Variants in PCDHA7 observed in about 807,000 individuals in gnomAD.
PCDHA7 encodes the protein protocadherin alpha-7.
PCDHA7 carries 37 observed loss-of-function variants against 57.2 expected under a neutral mutation model. The ratio of observed to expected loss-of-function variants is 0.65; its 90% CI spans 0.50 to 0.85. PCDHA7 has a LOEUF of 0.85. Among genes scored for constraint, PCDHA7 ranks in the 40% least tolerant of loss-of-function variants. The probability of loss-of-function intolerance (pLI) is 0.00; values close to 1 mark genes in which losing one functional copy is unlikely to be tolerated. For missense variants in PCDHA7, 1,188 were observed against 1,241.8 expected (o/e 0.96, Z 0.65); for synonymous variants, 553 against 558.8 (o/e 0.99, Z 0.15).
intron 3 of PCDHA7, among the ~76,000 whole-genome samples, chr5:140,987,333 T>C (rs1470731690): frequency 6.6e-6 from 1 of 152,158 alleles, no homozygotes; most frequent in East Asian, 1.9e-4. Context: ...TAAGAACTGG[T>C]CTAAGGTAAA....
chr5:140,842,458 A>C (rs1777969478), intron 1 of PCDHA7: 1 of 1,613,788 alleles, frequency 6.2e-7, no homozygotes, highest in South Asian at 1.1e-5. Context: ...ACCTCGATTC[A>C]GGTGCCAACG....
intron 1 of PCDHA7, chr5:140,850,039 G>A (rs1554143677): frequency 1.3e-6 from 2 of 1,596,568 alleles, no homozygotes; most frequent in African/African-American, 2.7e-5. Flanking sequence ...GCGGAGAGCG[G>A]CAAGGTGTAC....
chr5:140,945,947 ACCCTGAAAG>A (rs1554217229), intron 1 of PCDHA7, among the ~76,000 whole-genome samples: 1 of 152,132 alleles, frequency 6.6e-6, no homozygotes, highest in Admixed American at 6.5e-5. Flanking sequence ...TTTTTATATG[ACCCTGAAAG>A]CACAGGCAAT....
intron 3 of PCDHA7, among the ~76,000 whole-genome samples, chr5:140,988,690 C>T (rs1286168942): frequency 2.6e-5 from 4 of 152,148 alleles, no homozygotes; most frequent in South Asian, 2.1e-4. Flanking sequence ...TTTCCCTAGA[C>T]GCTCTGTATT....
At chr5:140,841,961 G>A (rs1221561116) in intron 1 of PCDHA7, 1 of 1,613,790 alleles carries the variant, frequency 6.2e-7, no homozygotes, top group Non-Finnish European at 8.5e-7. Flanking sequence ...ATTCCTGACA[G>A]CCACAGATGG....
chr5:140,992,823 T>A (rs1261484178), intron 3 of PCDHA7, among the ~76,000 whole-genome samples: 1 of 152,140 alleles, frequency 6.6e-6, no homozygotes, highest in Non-Finnish European at 1.5e-5. Flanking sequence ...ATGTGTTTGT[T>A]TTTTGGGAAC....
At chr5:140,937,023 A>G (rs2091268625) in intron 1 of PCDHA7, among the ~76,000 whole-genome samples, 1 of 150,410 alleles carries the variant, frequency 6.6e-6, no homozygotes. Flanking sequence ...TTAACAAGGT[A>G]TATTCTTCCA....
chr5:140,841,171 G>T, intron 1 of PCDHA7: 2 of 993,678 alleles, frequency 2.0e-6, no homozygotes, highest in Admixed American at 2.8e-5. Context: ...AGTTCTGGTT[G>T]GTCAATGTTC....
At chr5:140,988,482 C>T (rs1017365611) in intron 3 of PCDHA7, among the ~76,000 whole-genome samples, 1 of 152,152 alleles carries the variant, frequency 6.6e-6, no homozygotes, top group Non-Finnish European at 1.5e-5. Flanking sequence ...GAATTAGCAT[C>T]CCCTACCTAG....
chr5:140,869,484 C>A, intron 1 of PCDHA7: 2 of 1,613,948 alleles, frequency 1.2e-6, no homozygotes, highest in Non-Finnish European at 1.7e-6. Flanking sequence ...AGGACATTAA[C>A]GACAACCCGC....
chr5:140,884,113 G>T (rs782579609), intron 1 of PCDHA7: 15 of 1,613,390 alleles, frequency 9.3e-6, no homozygotes, highest in Admixed American at 3.3e-5. Context: ...AGCTGGCGGC[G>T]GTCGGCGCGC....
intron 3 of PCDHA7, among the ~76,000 whole-genome samples, chr5:140,988,599 G>A (rs782117836): frequency 6.6e-6 from 1 of 152,154 alleles, no homozygotes; most frequent in Non-Finnish European, 1.5e-5. Flanking sequence ...TAATGGTCAT[G>A]TAAATAAAAG....
intron 1 of PCDHA7, among the ~76,000 whole-genome samples, chr5:140,930,742 A>G (rs2087064675): frequency 6.6e-6 from 1 of 152,216 alleles, no homozygotes; most frequent in Non-Finnish European, 1.5e-5. Context: ...AATAAAATAA[A>G]TTTACATATG....
At chr5:141,003,502 G>C (rs1384211644) in intron 3 of PCDHA7, among the ~76,000 whole-genome samples, 3 of 151,992 alleles carry the variant, frequency 2.0e-5, no homozygotes, top group African/African-American at 2.4e-5. Context: ...TAGTAGAGAT[G>C]GGGTTTCACC....
At chr5:141,009,604 A>T (rs782247768) in intron 3 of PCDHA7, 23 bp from the exon 4 acceptor site, 2 of 1,608,944 alleles carry the variant, frequency 1.2e-6, no homozygotes, top group East Asian at 4.5e-5. Context: ...CCTGTTAATG[A>T]TTTGTAATGT....
intron 1 of PCDHA7, chr5:140,869,260 G>A (rs976245495): frequency 6.2e-7 from 1 of 1,613,638 alleles, no homozygotes; most frequent in Non-Finnish European, 8.5e-7. Context: ...GCAGGACCTG[G>A]GGCTGGAGCT....
At chr5:140,863,975 T>G (rs1429361559) in intron 1 of PCDHA7, 2 of 153,508 alleles carry the variant, frequency 1.3e-5, no homozygotes, top group Non-Finnish European at 2.9e-5. Context: ...CACTACAGCC[T>G]GGGAGACAGG....
In PCDHA7 at chr5:140,919,389, T is replaced by C. The variant is rs1042186256; in HGVS notation, c.2356-59560T>C. 3.9e-5 allele frequency among the ~76,000 whole-genome samples: 6 copies of C among 152,360 alleles called. No homozygotes were observed. The East Asian group carries it at 1.2e-3, about 29-fold the overall frequency. ...CTGCAGACAACACATAGTTGGATGTTGTTTTCCTAAAAACTCTAGACTGAC... is the reference window on the plus strand; with the variant it reads ...CTGCAGACAACACATAGTTGGATGTCGTTTTCCTAAAAACTCTAGACTGAC... On this transcript the variant is annotated intron_variant, in intron 1 of 3. Coordinates refer to ENST00000525929, the MANE Select transcript of PCDHA7 (RefSeq NM_018910.3).
rs2150246191 is a variant in PCDHA7 at position 140,835,835 on chromosome 5, G to T, written c.1452G>T (p.Ala484=). The T allele has an allele frequency of 1.9e-6, 3 of 1,612,346 alleles. No homozygotes were observed. The highest frequency in any genetic ancestry group is 1.3e-5 in the African/African-American group (1 of 75,010). ...CTGTGTCGGCGGGGGACGCGGACGC[G>T]CAGAAGAACGCGCTGGTGTCCTACT... ...IFTVSAGDAD[A]QKNALVSYSL... is the part of the protein sequence containing the mutation. Residue 484 remains alanine (A), a synonymous_variant, in exon 1 of 4, where the codon GCG becomes GCT. Transcript: ENST00000525929.
Sources: gnomAD v4.1 joint callset for allele counts (sites outside exome capture counted in the v4.1 genomes callset) on GRCh38, gnomAD v4.1.1 for gene constraint, MANE v1.5 for transcripts, NCBI Gene and HGNC (gene_info 2026-07-23, HGNC 2026-07-21) for gene names.